The following FES variants were observed in gnomAD, a reference collection of about 807,000 sequenced individuals.
FES encodes tyrosine-protein kinase Fes/Fps.
In FES, 83 loss-of-function variants were observed where a neutral mutation model predicts 109.6. The observed-to-expected ratio is 0.76, with a 90% CI of 0.63 to 0.91. The LOEUF (loss-of-function observed/expected upper bound fraction) is 0.91. FES is among the 40% of genes least tolerant of loss of function. The pLI is 0.00. For synonymous variants in FES, 458 were observed against 442.1 expected, an observed-to-expected ratio of 1.04 and a Z score of -0.45; for missense variants, 943 against 1,070.9, an observed-to-expected ratio of 0.88 and a Z score of 1.67.
intron 14 of FES, 40 bp from the exon 15 acceptor site, chr15:90,893,060 G>A (rs765148090): frequency 1.3e-5 from 20 of 1,595,924 alleles, no homozygotes; most frequent in South Asian, 3.4e-5. Flanking sequence ...CTGGGGAGGC[G>A]GGCCTGGCCA....
Position 90,886,964 on chromosome 15 carries a change from C to G in FES, c.391C>G (p.His131Asp). Residue 131 changes from histidine (H) to aspartate (D), a missense_variant, in exon 4 of 19, where the codon CAC (histidine) becomes GAC (aspartate). By Grantham distance (81) the His-to-Asp change is moderately conservative. Coordinates refer to ENST00000328850, the MANE Select transcript of FES (RefSeq NM_002005.4). ...QQLQQELTKTHSQDIEKLKSQ... is the reference protein window; with the variant it reads ...QQLQQELTKTDSQDIEKLKSQ... ...CTGGCCTCTCCTCTCTCCCTAGACC[C>G]ACAGCCAGGACATTGAGAAGCTGAA... 1 of 1,614,114 alleles carries G rather than the reference C, an allele frequency of 6.2e-7. No individual in the cohort carries two copies. Among genetic ancestry groups the G allele is most frequent in the Non-Finnish European group, 8.5e-7 (1 of 1,179,996 alleles).
Position 90,893,507 on chromosome 15 carries a change from A to G in FES, c.2045+93A>G, listed in dbSNP as rs112629764. 3.9e-4 allele frequency: 586 copies of G among 1,496,206 alleles called. 5 individuals carry two copies. The African/African-American group carries it at 7.1e-3, about 18-fold the overall frequency. 92.7% of individuals were successfully genotyped at this position (1,496,206 alleles called of 1,614,324 possible). A position where few individuals can be genotyped will look rare whatever the true frequency, so the allele number is the denominator to read the frequency against. On this transcript the variant is annotated intron_variant, in intron 16 of 18. Coordinates refer to ENST00000328850, the MANE Select transcript of FES (RefSeq NM_002005.4). ...AGGGCCCCCCGCTGGACCATCAGGC[A>G]TCAGCTCCAGAGGGGGAGTTGGCCT...
chr15:90,892,189 A>G, intron 13 of FES, 78 bp downstream of exon 13: 2 of 1,534,248 alleles, frequency 1.3e-6, no homozygotes, highest in South Asian at 2.2e-5. Flanking sequence ...CCTACCACCC[A>G]GAGACCTCCC....
intron 16 of FES, 80 bp downstream of exon 16, chr15:90,893,494 T>C: frequency 6.7e-7 from 1 of 1,501,798 alleles, no homozygotes. Flanking sequence ...GGCCCCCCGC[T>C]GGACCATCAG....
At chr15:90,894,870 T>C (rs1222825831) in intron 18 of FES, among the ~76,000 whole-genome samples, 1 of 152,120 alleles carries the variant, frequency 6.6e-6, no homozygotes, top group Non-Finnish European at 1.5e-5. Context: ...AGTTTGACAC[T>C]AGCCTGGCCA....
At chr15:90,891,475 G>A (rs910201349) in intron 11 of FES, 79 bp from the exon 12 acceptor site, 1 of 1,596,578 alleles carries the variant, frequency 6.3e-7, no homozygotes, top group Non-Finnish European at 8.5e-7. Flanking sequence ...TTTCTCCCCT[G>A]CTGCTCTCCC....
At chr15:90,893,468 GTACCTA>G in intron 16 of FES, 54 bp downstream of exon 16, 1 of 1,512,738 alleles carries the variant, frequency 6.6e-7, no homozygotes, top group Non-Finnish European at 8.8e-7. Context: ...GAGTCAAGAG[GTACCTA>G]TACCCCTAGG....
Position 90,895,451 on chromosome 15 carries a change from GC to G in FES, c.2364del (p.Val789CysfsTer49). On this transcript the variant is annotated frameshift_variant, in exon 19 of 19. Transcript: ENST00000328850. LOFTEE classifies it high-confidence loss of function. Reference sequence around the variant, plus strand: ...GCCCTGCCCAGAGCTGTGTCCTGATGCCGTGTTCAGGCTCATGGAGCAGTGC... The same window carrying G: ...GCCCTGCCCAGAGCTGTGTCCTGATGCGTGTTCAGGCTCATGGAGCAGTGC... ...RLPCPELCPD[A>X]VFRLMEQCWA... The G allele has an allele frequency of 6.3e-7, 1 of 1,585,354 alleles. No homozygotes were observed. The highest frequency in any genetic ancestry group is 8.6e-7 in the Non-Finnish European group (1 of 1,163,304).
intron 18 of FES, among the ~76,000 whole-genome samples, chr15:90,894,903 T>C (rs542850761): frequency 4.0e-5 from 6 of 151,758 alleles, no homozygotes; most frequent in Admixed American, 3.9e-4. Flanking sequence ...CTGTCTCTAC[T>C]AAAAATACAA....
chr15:90,887,432 G>A, intron 5 of FES, 62 bp downstream of exon 5: 1 of 1,490,876 alleles, frequency 6.7e-7, no homozygotes, highest in East Asian at 2.4e-5. Context: ...CAGCCATCAG[G>A]CCCAGAGGCA....
chr15:90,889,580 G>A lies in FES; in HGVS notation c.870G>A (p.Pro290=), dbSNP rs780059532. The A allele has an allele frequency of 3.1e-6, 5 of 1,613,550 alleles. No homozygotes were observed. Among genetic ancestry groups the A allele is most frequent in the Non-Finnish European group, 4.2e-6 (5 of 1,180,008 alleles). ...FDESLLEEGE[P]LEPGELQLNE... ...AGTCACTGCTTGAGGAGGGTGAACC[G>A]CTGGAGCCTGGGGAGCTCCAGCTGA... Residue 290 remains proline (P), a synonymous_variant, in exon 7 of 19, where the codon CCG becomes CCA. Transcript: ENST00000328850. The surrounding 1 kb of genome is among the most constrained non-coding windows in gnomAD (Gnocchi z 6.1).
At chr15:90,893,885 GC>G (rs1256910071) in intron 17 of FES, 50 bp from the exon 18 acceptor site, 2 of 1,610,742 alleles carry the variant, frequency 1.2e-6, no homozygotes, top group African/African-American at 2.7e-5. Flanking sequence ...CCTCGCCCTG[GC>G]CCCAGGGAGG....
intron 14 of FES, 58 bp from the exon 15 acceptor site, chr15:90,893,042 G>A: frequency 6.4e-7 from 1 of 1,560,332 alleles, no homozygotes; most frequent in Non-Finnish European, 8.7e-7. Context: ...CATCATCCCT[G>A]GGGGGCCCTG....
At chr15:90,891,277 G>T in intron 11 of FES, 86 bp downstream of exon 11, 2 of 1,472,914 alleles carry the variant, frequency 1.4e-6, no homozygotes, top group Non-Finnish European at 9.2e-7. Flanking sequence ...TCAGGGTAGG[G>T]GGTAGCTGCC....
rs772286995 is a variant in FES at position 90,893,904 on chromosome 15, C to T, written c.2204-32C>T. On this transcript the variant is annotated intron_variant, in intron 17 of 18. Transcript: ENST00000328850. Reference sequence around the variant, plus strand: ...GCCCTGGCCCCAGGGAGGGTGCACTCACGCTGCCTCACCTCCTCGCCTCCT... The same window carrying T: ...GCCCTGGCCCCAGGGAGGGTGCACTTACGCTGCCTCACCTCCTCGCCTCCT... The T allele has an allele frequency of 8.7e-6, 14 of 1,612,576 alleles. 1 individual carries two copies. The highest frequency in any genetic ancestry group is 1.1e-5 in the Non-Finnish European group (13 of 1,179,640).
At position 90,889,230 on chromosome 15, in the gene FES, C is replaced by T; in HGVS notation, c.669-76C>T. 6.4e-7 allele frequency: 1 copy of T among 1,570,446 alleles called. No individual in the cohort carries two copies. ...TCAACCCCAGCCCTGACTCCAAACCCAGGGTCCTAGGCCTGAACTGCCCAG... is the reference window on the plus strand; with the variant it reads ...TCAACCCCAGCCCTGACTCCAAACCTAGGGTCCTAGGCCTGAACTGCCCAG... On this transcript the variant is annotated intron_variant, in intron 5 of 18. Transcript: ENST00000328850. This position sits in a 1 kb window ranked among gnomAD's most constrained non-coding sequence, Gnocchi z 6.1.
intron 12 of FES, 120 bp from the exon 13 acceptor site, chr15:90,891,938 C>A: frequency 8.0e-7 from 1 of 1,246,380 alleles, no homozygotes; most frequent in Non-Finnish European, 1.2e-6. Context: ...AGTGTGCTCC[C>A]CACGTGGTCC....
rs2032946125 is a variant in FES, at chr15:90,889,116, C to T, written c.669-190C>T. On this transcript the variant is annotated intron_variant, in intron 5 of 18. Transcript: ENST00000328850. This position sits in a 1 kb window ranked among gnomAD's most constrained non-coding sequence, Gnocchi z 6.1. ...GGATCCTTATTACAACTGCCAGTGT[C>T]CCTCTTATATATATCAGGAAATAGA... 4 of 673,496 alleles carry T rather than the reference C, an allele frequency of 5.9e-6. No homozygotes were observed. Among genetic ancestry groups the T allele is most frequent in the East Asian group, 2.8e-5 (1 of 35,850 alleles). The allele number at this position is 673,496 out of a possible 1,614,324, so 41.7% of individuals were successfully genotyped here.
At chr15:90,888,626 A>C (rs76792278) in intron 5 of FES, among the ~76,000 whole-genome samples, 29,177 of 152,110 alleles carry the variant, frequency 0.19, 3,651 homozygotes, top group Non-Finnish European at 0.28. Context: ...TGGGGCGTGA[A>C]ATAGAGGAGT....
Sources: gnomAD v4.1 joint callset for allele counts (sites outside exome capture counted in the v4.1 genomes callset) on GRCh38, gnomAD v4.1.1 for gene constraint, Gnocchi (gnomAD v3.1) non-coding constraint, MANE v1.5 for transcripts, NCBI Gene and HGNC (gene_info 2026-07-23, HGNC 2026-07-21) for gene names.